The following SSRP1 variants were observed in gnomAD, a reference collection of about 807,000 sequenced individuals.
The protein encoded by SSRP1 is FACT complex subunit SSRP1.
A neutral mutation model predicts 84.4 loss-of-function variants in SSRP1; 21 were observed. The observed-to-expected ratio is 0.25, with a 90% CI of 0.18 to 0.36. The LOEUF is 0.36. Ranked by LOEUF, SSRP1 falls within the 10% of genes least tolerant of loss-of-function variation. The probability of loss-of-function intolerance (pLI) is 1.00; values close to 1 mark genes in which losing one functional copy is unlikely to be tolerated. For missense variants in SSRP1, 519 were observed against 900.8 expected, an observed-to-expected ratio of 0.58 and a Z score of 5.43; for synonymous variants, 319 against 318.3, an observed-to-expected ratio of 1.00 and a Z score of -0.02.
In SSRP1 at chr11:57,326,328, A is replaced by T; in HGVS notation, c.*79T>A. The T allele has an allele frequency of 7.4e-7, 1 of 1,358,334 alleles. No individual in the cohort carries two copies. The highest frequency in any genetic ancestry group is 1.0e-6 in the Non-Finnish European group (1 of 953,396). The allele number at this position is 1,358,334 out of a possible 1,614,324, so 84.1% of individuals were successfully genotyped here. Reference sequence around the variant, plus strand: ...CAGAATCCAGGGACTGCATTTCATGAGGAGAAACTGGTACCAAAATATGGG... The same window carrying T: ...CAGAATCCAGGGACTGCATTTCATGTGGAGAAACTGGTACCAAAATATGGG... On this transcript the variant is annotated 3_prime_UTR_variant, in exon 17 of 17. Coordinates refer to ENST00000278412, the MANE Select transcript of SSRP1 (RefSeq NM_003146.3).
intron 15 of SSRP1, 83 bp downstream of exon 15, chr11:57,327,343 T>C (rs1445930210): frequency 7.1e-7 from 1 of 1,403,506 alleles, no homozygotes; most frequent in East Asian, 2.3e-5. Context: ...TGTCTTTAAC[T>C]TTCCAATGCT....
At chr11:57,327,978 G>A in intron 13 of SSRP1, 96 bp from the exon 14 acceptor site, 3 of 1,462,644 alleles carry the variant, frequency 2.1e-6, no homozygotes, top group Non-Finnish European at 2.8e-6. Context: ...AGAAAAAGTG[G>A]AGGACTAAAT....
rs1467448694 is a variant in SSRP1 at position 57,331,058 on chromosome 11, C to A, written c.1224-131G>T. On this transcript the variant is annotated intron_variant, in intron 9 of 16. Coordinates refer to ENST00000278412, the MANE Select transcript of SSRP1 (RefSeq NM_003146.3). ...CTCTTGACTATGCTACCCAACCCAA[C>A]AGCTTAGAAACCCCCAGAGGACAGC... 4.2e-6 allele frequency: 4 copies of A among 950,650 alleles called. No individual in the cohort carries two copies. In the East Asian group the frequency reaches 7.6e-5, roughly 18 times the overall value. 58.9% of individuals were successfully genotyped at this position (950,650 alleles called of 1,614,324 possible).
chr11:57,331,077 GGACAGCA>G (rs1401380066), intron 9 of SSRP1, 150 bp from the exon 10 acceptor site: 10 of 778,856 alleles, frequency 1.3e-5, no homozygotes, highest in Non-Finnish European at 2.1e-5. Context: ...AACCCCCAGA[GGACAGCA>G]GTAAGGCAGA....
chr11:57,331,565 A>G, intron 9 of SSRP1, 103 bp downstream of exon 9: 1 of 863,690 alleles, frequency 1.2e-6, no homozygotes, highest in East Asian at 2.5e-5. Flanking sequence ...CAAAAGAAAA[A>G]TTCTGCTCTA....
At chr11:57,334,741 G>T in intron 2 of SSRP1, 93 bp from the exon 3 acceptor site, 1 of 1,449,414 alleles carries the variant, frequency 6.9e-7, no homozygotes, top group Non-Finnish European at 9.4e-7. Flanking sequence ...GCTGCAAGTG[G>T]ACTGGCCAGA....
At chr11:57,327,304 T>G in intron 15 of SSRP1, 122 bp downstream of exon 15, 1 of 1,019,592 alleles carries the variant, frequency 9.8e-7, no homozygotes, top group Non-Finnish European at 1.5e-6. Flanking sequence ...TGAGAAGCAC[T>G]ACCCTACTGC....
chr11:57,333,187 C>A, intron 4 of SSRP1, 38 bp from the exon 5 acceptor site: 1 of 1,572,040 alleles, frequency 6.4e-7, no homozygotes, highest in South Asian at 1.2e-5. Flanking sequence ...AAGCTCCTCC[C>A]CTTAAGTCTG....
In SSRP1 at chr11:57,334,449, A is replaced by C; in HGVS notation, c.240+14T>G. On this transcript the variant is annotated intron_variant, in intron 3 of 16. Coordinates refer to ENST00000278412, the MANE Select transcript of SSRP1 (RefSeq NM_003146.3). The stretch of plus-strand genomic sequence containing the variant: ...TGCAGTAAAAAGGAGGCTTATAGCC[A>C]TGGGACATCTCACCGATTCTCGGAA... The C allele has an allele frequency of 6.2e-7, 1 of 1,613,048 alleles. No individual in the cohort carries two copies. The highest frequency in any genetic ancestry group is 8.5e-7 in the Non-Finnish European group (1 of 1,179,014).
chr11:57,329,104 AC>A (rs1310750014), intron 12 of SSRP1: 1 of 152,352 alleles, frequency 6.6e-6, no homozygotes, highest in African/African-American at 2.4e-5. Flanking sequence ...CAACTACCTT[AC>A]ACCTGTATGC....
At chr11:57,334,442 T>A in intron 3 of SSRP1, 21 bp downstream of exon 3, 1 of 1,611,646 alleles carries the variant, frequency 6.2e-7, no homozygotes, top group Non-Finnish European at 8.5e-7. Context: ...AAAGGAGGCT[T>A]ATAGCCATGG....
At chr11:57,329,532 C>A (rs1300475204) in intron 12 of SSRP1, 2 of 161,796 alleles carry the variant, frequency 1.2e-5, no homozygotes, top group Non-Finnish European at 2.7e-5. Context: ...ATGGGGTAAA[C>A]CTATTTTTAA....
At position 57,326,402 on chromosome 11, in the gene SSRP1, C is replaced by G. The variant is rs1294038654; in HGVS notation, c.*5G>C. 6.2e-7 allele frequency: 1 copy of G among 1,614,100 alleles called. No individual in the cohort carries two copies. Among genetic ancestry groups the G allele is most frequent in the Non-Finnish European group, 8.5e-7 (1 of 1,179,968 alleles). On this transcript the variant is annotated 3_prime_UTR_variant, in exon 17 of 17. Transcript: ENST00000278412. Reference sequence around the variant, plus strand: ...GGCAAGCGCAAAGAGAACCTTCCTCCGTTTCTACTCATCGGATCCTGACGC... The same window carrying G: ...GGCAAGCGCAAAGAGAACCTTCCTCGGTTTCTACTCATCGGATCCTGACGC...
chr11:57,332,177 T>C lies in SSRP1; in HGVS notation c.976A>G (p.Ile326Val). 6.2e-7 allele frequency: 1 copy of C among 1,613,880 alleles called. No individual in the cohort carries two copies. Among genetic ancestry groups the C allele is most frequent in the Non-Finnish European group, 8.5e-7 (1 of 1,180,010 alleles). The change falls in exon 8 of 17, where the codon ATC becomes GTC. Residue 326 changes from isoleucine (I) to valine (V), a missense_variant. Transcript: ENST00000278412. This position sits in a 1 kb window ranked among gnomAD's most constrained non-coding sequence, Gnocchi z 5.5. ...RVMKALVNRK[I>V]TVPGNFQGHS... is the part of the protein sequence containing the mutation. ...CCTTGGAAGTTGCCTGGCACTGTGATCTTGCGGTTTACCAGTGCTTTCATG... is the reference window on the plus strand; with the variant it reads ...CCTTGGAAGTTGCCTGGCACTGTGACCTTGCGGTTTACCAGTGCTTTCATG...
In SSRP1 at chr11:57,332,885, G is replaced by A; in HGVS notation, c.538-30C>T. On this transcript the variant is annotated intron_variant, in intron 5 of 16. Coordinates refer to ENST00000278412, the MANE Select transcript of SSRP1 (RefSeq NM_003146.3). The surrounding 1 kb of genome is among the most constrained non-coding windows in gnomAD (Gnocchi z 5.5). Reference sequence around the variant, plus strand: ...AAAAGCACATATTGGTAGCCAAGCAGCAGGCCCTGCTCCCAGGCCAGCCAA... The same window carrying A: ...AAAAGCACATATTGGTAGCCAAGCAACAGGCCCTGCTCCCAGGCCAGCCAA... The A allele has an allele frequency of 1.2e-6, 2 of 1,600,096 alleles. No individual in the cohort carries two copies. Among genetic ancestry groups the A allele is most frequent in the Non-Finnish European group, 1.7e-6 (2 of 1,170,806 alleles).
intron 13 of SSRP1, 44 bp downstream of exon 13, chr11:57,328,253 C>CA (rs1325472372): frequency 2.5e-6 from 4 of 1,604,260 alleles, no homozygotes; most frequent in Non-Finnish European, 3.4e-6. Context: ...CCACGCCCCC[C>CA]ACCCACTGCA....
intron 12 of SSRP1, 144 bp from the exon 13 acceptor site, chr11:57,328,570 C>T: frequency 6.0e-6 from 7 of 1,168,244 alleles, no homozygotes; most frequent in African/African-American, 1.6e-5. Flanking sequence ...CACCAATCCC[C>T]AACACTGCTT....
chr11:57,330,522 A>G lies in SSRP1; in HGVS notation c.1297-93T>C, dbSNP rs1856067806. ...CACACCCCCATGCCTGTCAAGTCAG[A>G]GCAGCAGCTCCCAGAAGACCTGGGG... On this transcript the variant is annotated intron_variant, in intron 10 of 16. Coordinates refer to ENST00000278412, the MANE Select transcript of SSRP1 (RefSeq NM_003146.3). This position sits in a 1 kb window ranked among gnomAD's most constrained non-coding sequence, Gnocchi z 4.0. The G allele has an allele frequency of 1.3e-6, 2 of 1,551,258 alleles. No individual in the cohort carries two copies. The highest frequency in any genetic ancestry group is 1.7e-6 in the Non-Finnish European group (2 of 1,151,458).
intron 4 of SSRP1, 83 bp from the exon 5 acceptor site, chr11:57,333,232 G>A (rs1390537106): frequency 2.2e-5 from 32 of 1,456,568 alleles, no homozygotes; most frequent in Non-Finnish European, 2.8e-5. Context: ...GAGTTCCACA[G>A]AGACAGGATA....
Sources: gnomAD v4.1 joint callset for allele counts on GRCh38, gnomAD v4.1.1 for gene constraint, Gnocchi (gnomAD v3.1) non-coding constraint, MANE v1.5 for transcripts, NCBI Gene and HGNC (gene_info 2026-07-23, HGNC 2026-07-21) for gene names.